KCNIP1: variants seen among roughly 807,000 people sequenced by gnomAD.
The protein encoded by KCNIP1 is potassium voltage-gated channel interacting protein 1.
In KCNIP1, 18 loss-of-function variants were observed where a neutral mutation model predicts 33.0. The ratio of observed to expected loss-of-function variants is 0.55; its 90% CI spans 0.38 to 0.81. The LOEUF (loss-of-function observed/expected upper bound fraction) is 0.81, where lower values mean the gene tolerates loss of function less well. Among genes scored for constraint, KCNIP1 ranks in the 30% least tolerant of loss-of-function variants. KCNIP1 has a pLI of 0.00. For missense variants in KCNIP1, 238 were observed against 271.6 expected, an observed-to-expected ratio of 0.88 and a Z score of 0.87; for synonymous variants, 93 against 98.3, an observed-to-expected ratio of 0.95 and a Z score of 0.32.
intron 1 of KCNIP1, among the ~76,000 whole-genome samples, chr5:170,581,805 T>G (rs768068597): frequency 1.3e-5 from 2 of 152,218 alleles, no homozygotes; most frequent in Admixed American, 6.5e-5. Context: ...AGAAGAGGTT[T>G]ATTTGGCTCA....
At chr5:170,496,513 T>C (rs1462334648) in intron 1 of KCNIP1, among the ~76,000 whole-genome samples, 1 of 152,178 alleles carries the variant, frequency 6.6e-6, no homozygotes, top group Non-Finnish European at 1.5e-5. Flanking sequence ...TCTTTCCTTA[T>C]GGGGCTATTG....
intron 1 of KCNIP1, among the ~76,000 whole-genome samples, chr5:170,671,375 C>T (rs1162658172): frequency 1.3e-5 from 2 of 152,182 alleles, no homozygotes; most frequent in Non-Finnish European, 2.9e-5. Flanking sequence ...AGAACCTTTA[C>T]ACTTGCTGTC....
At chr5:170,467,917 CAAAAAAAA>C (rs55671124) in intron 1 of KCNIP1, among the ~76,000 whole-genome samples, 1 of 41,952 alleles carries the variant, frequency 2.4e-5, no homozygotes. Flanking sequence ...GATTCCATCT[CAAAAAAAA>C]AAAAAAAAAA....
Position 170,734,041 on chromosome 5 carries a change from T to C in KCNIP1, c.603+143T>C. ...GAGCCAACAACACCAGCAACAACTG[T>C]GAAGTCCACAGTTCCACTCCTCAAC... On this transcript the variant is annotated intron_variant, in intron 7 of 7. Transcript: ENST00000328939. The C allele has an allele frequency of 4.7e-6, 3 of 637,614 alleles. No homozygotes were observed. The South Asian group carries it at 5.9e-5, about 12-fold the overall frequency. 39.5% of individuals were successfully genotyped at this position (637,614 alleles called of 1,614,324 possible). A position where few individuals can be genotyped will look rare whatever the true frequency, so the allele number is the denominator to read the frequency against.
chr5:170,675,080 C>G (rs1275777783), intron 1 of KCNIP1, among the ~76,000 whole-genome samples: 1 of 151,832 alleles, frequency 6.6e-6, no homozygotes, highest in Non-Finnish European at 1.5e-5. Context: ...GCAGGAGGAT[C>G]GCTTGAGCCC....
At chr5:170,420,811 CT>C in intron 1 of KCNIP1, among the ~76,000 whole-genome samples, 1 of 152,148 alleles carries the variant, frequency 6.6e-6, no homozygotes, top group African/African-American at 2.4e-5. Context: ...TCTTCTTCTT[CT>C]CCCCCCCAAC....
chr5:170,652,964 A>T (rs1309044687), intron 1 of KCNIP1, among the ~76,000 whole-genome samples: 1 of 152,208 alleles, frequency 6.6e-6, no homozygotes, highest in East Asian at 1.9e-4. Flanking sequence ...TGGAGCTGAC[A>T]TTTAGGTTGA....
intron 1 of KCNIP1, among the ~76,000 whole-genome samples, chr5:170,556,242 C>G: frequency 6.6e-6 from 1 of 152,210 alleles, no homozygotes; most frequent in East Asian, 1.9e-4. Flanking sequence ...GCCAGTTGGT[C>G]TTGACAGTTT....
intron 1 of KCNIP1, among the ~76,000 whole-genome samples, chr5:170,411,027 A>AT (rs1269102625): frequency 7.9e-5 from 12 of 152,218 alleles, no homozygotes. Flanking sequence ...AGTGAATGTG[A>AT]TTTTAGCACC....
At chr5:170,415,010 T>C (rs1009600736) in intron 1 of KCNIP1, among the ~76,000 whole-genome samples, 2 of 152,240 alleles carry the variant, frequency 1.3e-5, no homozygotes, top group Admixed American at 6.5e-5. Context: ...TTTTCAATGA[T>C]GACCTCAGTT....
chr5:170,490,635 T>C (rs1327181470), intron 1 of KCNIP1, among the ~76,000 whole-genome samples: 1 of 152,196 alleles, frequency 6.6e-6, no homozygotes, highest in African/African-American at 2.4e-5. Flanking sequence ...AGTATTATTA[T>C]GGGAATTTTC....
At chr5:170,367,349 A>AAAATAAAGAAAG (rs1763692469) in intron 1 of KCNIP1, among the ~76,000 whole-genome samples, 3 of 76,890 alleles carry the variant, frequency 3.9e-5, no homozygotes, top group Admixed American at 3.1e-4. Context: ...GAAGGAAAGA[A>AAAATAAAGAAAG]AAAGAAAGAA....
At chr5:170,677,131 C>G (rs1466248553) in intron 1 of KCNIP1, among the ~76,000 whole-genome samples, 1 of 152,136 alleles carries the variant, frequency 6.6e-6, no homozygotes, top group Non-Finnish European at 1.5e-5. Flanking sequence ...AATAATTATA[C>G]TAATATTATT....
chr5:170,456,632 A>G (rs1164773619), intron 1 of KCNIP1, among the ~76,000 whole-genome samples: 2 of 149,260 alleles, frequency 1.3e-5, no homozygotes, highest in African/African-American at 2.5e-5. Flanking sequence ...ACAATAGAGA[A>G]TATCACTGAA....
chr5:170,660,384 A>C (rs965350600), intron 1 of KCNIP1, among the ~76,000 whole-genome samples: 4 of 150,360 alleles, frequency 2.7e-5, no homozygotes, highest in East Asian at 1.9e-4. Flanking sequence ...AAAAAAAAAA[A>C]AACATTCATT....
chr5:170,725,323 A>C (rs1763973276), intron 5 of KCNIP1, among the ~76,000 whole-genome samples: 1 of 152,242 alleles, frequency 6.6e-6, no homozygotes, highest in Non-Finnish European at 1.5e-5. Context: ...GTACTTATAC[A>C]CAATGGAGTA....
In KCNIP1 at chr5:170,643,917, A is replaced by G. The variant is rs146737435; in HGVS notation, c.62-74841A>G. 3.2e-3 allele frequency among the ~76,000 whole-genome samples: 490 copies of G among 152,364 alleles called. 1 individual carries two copies. The Middle Eastern group carries it at 0.034, about 11-fold the overall frequency. Reference sequence around the variant, plus strand: ...CCTGGGGATGAAGTGAGAAGGTGACATATACAAGTGAGTTATACACGTTCC... The same window carrying G: ...CCTGGGGATGAAGTGAGAAGGTGACGTATACAAGTGAGTTATACACGTTCC... On this transcript the variant is annotated intron_variant, in intron 1 of 7. Transcript: ENST00000328939.
intron 1 of KCNIP1, among the ~76,000 whole-genome samples, chr5:170,466,919 T>C (rs949917527): frequency 6.6e-6 from 1 of 152,132 alleles, no homozygotes; most frequent in Non-Finnish European, 1.5e-5. Context: ...GAAGGATGAA[T>C]GAAAATCATA....
intron 1 of KCNIP1, among the ~76,000 whole-genome samples, chr5:170,552,707 G>A (rs1363874122): frequency 2.0e-5 from 3 of 152,218 alleles, no homozygotes; most frequent in South Asian, 2.1e-4. Flanking sequence ...TGGGGCCAGC[G>A]AAGGAAGTGG....
Sources: allele counts gnomAD v4.1 joint callset (sites outside exome capture counted in the v4.1 genomes callset), GRCh38; gene constraint gnomAD v4.1.1; transcripts MANE v1.5; gene names NCBI Gene and HGNC (gene_info 2026-07-23, HGNC 2026-07-21).